Variants in PIP5K1B observed in about 807,000 individuals in gnomAD.
PIP5K1B encodes the protein phosphatidylinositol-4-phosphate 5-kinase type 1 beta, also known as phosphatidylinositol 4-phosphate 5-kinase type-1 beta.
In PIP5K1B, 42 loss-of-function variants were observed where a neutral mutation model predicts 67.0. The ratio of observed to expected loss-of-function variants is 0.63; its 90% confidence interval spans 0.49 to 0.81. The LOEUF is 0.81. PIP5K1B is among the 30% of genes least tolerant of loss of function. PIP5K1B has a pLI of 0.00. For missense variants in PIP5K1B, 459 were observed against 646.3 expected (o/e 0.71, Z 3.14); for synonymous variants, 214 against 231.4 (o/e 0.92, Z 0.68).
chr9:68,764,277 G>A (rs112812652), intron 2 of PIP5K1B, among the ~76,000 whole-genome samples: 6 of 151,722 alleles, frequency 4.0e-5, no homozygotes, highest in East Asian at 1.9e-4. Flanking sequence ...TAAACAGTGC[G>A]TTATTTTTGG....
chr9:68,736,657 C>T (rs1828751262), intron 1 of PIP5K1B, among the ~76,000 whole-genome samples: 1 of 152,132 alleles, frequency 6.6e-6, no homozygotes, highest in African/African-American at 2.4e-5. Flanking sequence ...GACTCATGGC[C>T]TCTCACTCCA....
Position 68,792,950 on chromosome 9 carries a change from G to A in PIP5K1B, c.-85-25511G>A, listed in dbSNP as rs145481186. Among the ~76,000 whole-genome samples the A allele has an allele frequency of 3.7e-3, 560 of 152,252 alleles. 2 individuals carry two copies. The highest frequency in any genetic ancestry group is 0.012 in the African/African-American group (514 of 41,530). ...GGCTAGTCTCTTAGGATACTTTGGT[G>A]TACAAAACAAAGACTCCTGCCCTGT... On this transcript the variant is annotated intron_variant, in intron 2 of 15. Coordinates refer to ENST00000265382, the MANE Select transcript of PIP5K1B (RefSeq NM_003558.4).
chr9:68,875,222 C>A (rs552299104), intron 5 of PIP5K1B, among the ~76,000 whole-genome samples: 5 of 136,114 alleles, frequency 3.7e-5, no homozygotes, highest in African/African-American at 1.1e-4. Flanking sequence ...TAATCCTAGC[C>A]TTTCAAGATA....
chr9:68,876,603 C>T, intron 5 of PIP5K1B, 74 bp from the exon 6 acceptor site: 1 of 831,426 alleles, frequency 1.2e-6, no homozygotes, highest in Non-Finnish European at 2.1e-6. Context: ...ACTAATAGAG[C>T]TACAATTTGC....
At chr9:68,881,992 G>A (rs1210727167) in intron 6 of PIP5K1B, among the ~76,000 whole-genome samples, 1 of 152,162 alleles carries the variant, frequency 6.6e-6, no homozygotes, top group Non-Finnish European at 1.5e-5. Context: ...CCACCACATG[G>A]GGCAAGTTTA....
At chr9:68,903,783 T>C (rs772165229) in intron 8 of PIP5K1B, among the ~76,000 whole-genome samples, 15 of 152,236 alleles carry the variant, frequency 9.9e-5, no homozygotes, top group Non-Finnish European at 1.8e-4. Context: ...TATGCTCTTC[T>C]GGGTTTTGGT....
chr9:68,957,390 C>A (rs148866006), intron 14 of PIP5K1B, among the ~76,000 whole-genome samples: 131 of 152,252 alleles, frequency 8.6e-4, no homozygotes, highest in African/African-American at 3.0e-3. Flanking sequence ...AGAGGCCTAC[C>A]TCCCCTGAGA....
chr9:68,766,819 T>C (rs544767946), intron 2 of PIP5K1B, among the ~76,000 whole-genome samples: 12 of 152,266 alleles, frequency 7.9e-5, no homozygotes, highest in African/African-American at 2.2e-4. Flanking sequence ...CCAAAAAATA[T>C]TGTTAGGTAC....
chr9:68,858,494 C>T (rs1239585105), intron 4 of PIP5K1B, among the ~76,000 whole-genome samples: 2 of 152,284 alleles, frequency 1.3e-5, no homozygotes, highest in Non-Finnish European at 2.9e-5. Context: ...ATAAGGTCAG[C>T]TTGCTCAAAG....
At chr9:68,727,390 AT>A in intron 1 of PIP5K1B, among the ~76,000 whole-genome samples, 1 of 152,342 alleles carries the variant, frequency 6.6e-6, no homozygotes, top group East Asian at 1.9e-4. Flanking sequence ...AAAAAAGTAA[AT>A]TATTGGCATA....
intron 4 of PIP5K1B, among the ~76,000 whole-genome samples, chr9:68,829,230 T>G (rs1234679503): frequency 2.0e-5 from 3 of 152,386 alleles, no homozygotes; most frequent in East Asian, 3.9e-4. Flanking sequence ...GAGTGTGTTC[T>G]CTGTCCTGAC....
At chr9:68,869,197 A>G (rs1383118024) in intron 5 of PIP5K1B, among the ~76,000 whole-genome samples, 5 of 152,184 alleles carry the variant, frequency 3.3e-5, no homozygotes, top group Non-Finnish European at 5.9e-5. Flanking sequence ...AACCAGCAGC[A>G]CAGCAGGAGG....
chr9:68,858,641 A>G (rs1822905858), intron 4 of PIP5K1B, among the ~76,000 whole-genome samples: 1 of 152,146 alleles, frequency 6.6e-6, no homozygotes, highest in Non-Finnish European at 1.5e-5. Flanking sequence ...GGCACTGAGA[A>G]CCCATTAGAG....
intron 2 of PIP5K1B, chr9:68,780,862 C>T (rs1831225159): frequency 6.2e-7 from 1 of 1,614,122 alleles, no homozygotes; most frequent in Non-Finnish European, 8.5e-7. Context: ...GCACAGCTGT[C>T]AGATCCTGGT....
intron 7 of PIP5K1B, 146 bp from the exon 8 acceptor site, chr9:68,894,193 A>T: frequency 1.6e-6 from 1 of 628,592 alleles, no homozygotes; most frequent in Non-Finnish European, 2.7e-6. Context: ...TAGATTAGAA[A>T]CAGCAAAATT....
At chr9:68,837,259 G>C (rs1333530444) in intron 4 of PIP5K1B, among the ~76,000 whole-genome samples, 1 of 152,200 alleles carries the variant, frequency 6.6e-6, no homozygotes, top group Non-Finnish European at 1.5e-5. Context: ...GGGGTTCTGT[G>C]CATTTTAGCA....
Position 68,735,316 on chromosome 9 carries a change from C to CTTTTTTTT in PIP5K1B, c.-242-7164_-242-7157dup, listed in dbSNP as rs558810934. ...CAGATTTGCTGTTTTCCCCTAGTGT[C>CTTTTTTTT]TTTTTTTTTTTTTTTTTTTTTTTTT... On this transcript the variant is annotated intron_variant, in intron 1 of 15. Coordinates refer to ENST00000265382, the MANE Select transcript of PIP5K1B (RefSeq NM_003558.4). Among the ~76,000 whole-genome samples, 12 of 29,802 alleles carry CTTTTTTTT rather than the reference C, an allele frequency of 4.0e-4. 1 individual carries two copies. Among genetic ancestry groups the CTTTTTTTT allele is most frequent in the African/African-American group, 9.2e-4 (7 of 7,594 alleles). The allele number at this position is 29,802 out of a possible 152,430, so 19.6% of individuals were successfully genotyped here.
chr9:68,934,960 T>C lies in PIP5K1B; in HGVS notation c.1272T>C (p.Ile424=). 3 of 1,613,726 alleles carry C rather than the reference T, an allele frequency of 1.9e-6. No homozygotes were observed. The highest frequency in any genetic ancestry group is 2.5e-6 in the Non-Finnish European group (3 of 1,179,712). ...IAALKATSQE[I]VSSISQEWKD... ...CCCTAAAGGCCACTTCACAGGAGAT[T>C]GTGTCCTCAATTAGCCAGGAATGGA... The change falls in exon 13 of 16, where the codon ATT becomes ATC. Residue 424 remains isoleucine, a synonymous_variant. Transcript: ENST00000265382.
intron 4 of PIP5K1B, among the ~76,000 whole-genome samples, chr9:68,855,888 A>G (rs1225102389): frequency 1.3e-5 from 2 of 152,170 alleles, no homozygotes; most frequent in Non-Finnish European, 2.9e-5. Context: ...TCATTTCTCA[A>G]GTTCTTTCCT....
Sources: gnomAD v4.1 joint callset for allele counts (sites outside exome capture counted in the v4.1 genomes callset) on GRCh38, gnomAD v4.1.1 for gene constraint, MANE v1.5 for transcripts, NCBI Gene and HGNC (gene_info 2026-07-23, HGNC 2026-07-21) for gene names.